Variants in DEFB109B observed in about 807,000 individuals in gnomAD.
DEFB109B encodes beta-defensin 109B.
chr8:7,316,467 TTAAA>T (rs1300610503), intron 1 of DEFB109B, among the ~76,000 whole-genome samples: 6 of 54,694 alleles, frequency 1.1e-4, no homozygotes, highest in African/African-American at 2.8e-4. Flanking sequence ...CATATTTGAA[TTAAA>T]TAAATGTTAG....
chr8:7,319,205 T>A (rs1585321816), intron 1 of DEFB109B: 1 of 97,754 alleles, frequency 1.0e-5, no homozygotes, highest in South Asian at 2.9e-4. Flanking sequence ...AGGGACCATT[T>A]AAGAAACTAT....
At chr8:7,319,936 A>G (rs1005249212) in exon 2 of DEFB109B, 35 of 72,456 alleles carry the variant, frequency 4.8e-4, no homozygotes, top group Non-Finnish European at 7.9e-4. Flanking sequence ...AACCCCTTAA[A>G]CCTAACTTGA....
At chr8:7,315,158 G>A (rs1471021616) in intron 1 of DEFB109B, among the ~76,000 whole-genome samples, 1 of 78,168 alleles carries the variant, frequency 1.3e-5, no homozygotes, top group Middle Eastern at 5.2e-3. Context: ...CCTCAAAAGT[G>A]TCTCAGGTAG....
At chr8:7,319,004 G>A (rs1279978955) in intron 1 of DEFB109B, 1 of 145,296 alleles carries the variant, frequency 6.9e-6, no homozygotes, top group Non-Finnish European at 1.5e-5. Flanking sequence ...GAGAGAAAAA[G>A]TAATTTCTAC....
chr8:7,313,701 A>G (rs2128805406), intron 1 of DEFB109B, among the ~76,000 whole-genome samples: 1 of 144,216 alleles, frequency 6.9e-6, no homozygotes, highest in African/African-American at 2.9e-5. Flanking sequence ...TTGGAAAAAA[A>G]AAACAGCATA....
At chr8:7,316,812 C>T (rs1244242765) in intron 1 of DEFB109B, among the ~76,000 whole-genome samples, 7 of 92,770 alleles carry the variant, frequency 7.5e-5, no homozygotes, top group African/African-American at 3.8e-4. Flanking sequence ...TATATATATA[C>T]ATTTTTTTTT....
chr8:7,320,043 C>T (rs1285820371), downstream of DEFB109B: 1 of 20,376 alleles, frequency 4.9e-5, no homozygotes, highest in African/African-American at 3.1e-4. Context: ...TCTTGATAAC[C>T]GTCTTGCATT....
At chr8:7,315,385 G>A (rs1180730912) in intron 1 of DEFB109B, among the ~76,000 whole-genome samples, 2 of 137,620 alleles carry the variant, frequency 1.5e-5, no homozygotes, top group Non-Finnish European at 3.0e-5. Flanking sequence ...TTTAGTCCCA[G>A]CTACTCGGGA....
intron 1 of DEFB109B, among the ~76,000 whole-genome samples, chr8:7,313,689 T>A (rs1189375794): frequency 1.4e-5 from 2 of 140,570 alleles, no homozygotes; most frequent in Admixed American, 1.3e-4. Flanking sequence ...TTTTGGGGGC[T>A]TTTGGAAAAA....
upstream of DEFB109B, among the ~76,000 whole-genome samples, chr8:7,311,966 C>A (rs1802630921): frequency 1.6e-5 from 2 of 126,034 alleles, no homozygotes; most frequent in African/African-American, 9.6e-5. Flanking sequence ...AAAATCAAGT[C>A]AAGTTTTATT....
At chr8:7,318,982 A>T (rs1360137629) in intron 1 of DEFB109B, 1 of 146,232 alleles carries the variant, frequency 6.8e-6, no homozygotes, top group Non-Finnish European at 1.5e-5. Flanking sequence ...AGATAGATCA[A>T]ATCTAAATAT....
In DEFB109B at chr8:7,313,681, T is replaced by C. The variant is rs534179527; in HGVS notation, n.58+778T>C. Among the ~76,000 whole-genome samples, 77 of 141,772 alleles carry C rather than the reference T, an allele frequency of 5.4e-4. 4 individuals carry two copies. In the South Asian group the frequency reaches 0.016, roughly 30 times the overall value. 93.0% of individuals were successfully genotyped at this position (141,772 alleles called of 152,430 possible). A position where few individuals can be genotyped will look rare whatever the true frequency, so the allele number is the denominator to read the frequency against. ...AAATTTACTGGGCTAAGCATGCATT[T>C]TGGGGGCTTTTGGAAAAAAAAAACA... On this transcript the variant is annotated intron_variant and non_coding_transcript_variant, in intron 1 of 1. Coordinates refer to ENST00000382656, the Ensembl canonical transcript of DEFB109B.
chr8:7,312,413 A>G (rs1406180550), upstream of DEFB109B, among the ~76,000 whole-genome samples: 1 of 139,180 alleles, frequency 7.2e-6, no homozygotes, highest in East Asian at 2.0e-4. Flanking sequence ...TTACCTGGAT[A>G]TTGGTGTGGT....
chr8:7,317,284 T>G (rs1411631099), intron 1 of DEFB109B, among the ~76,000 whole-genome samples: 1 of 144,988 alleles, frequency 6.9e-6, no homozygotes, highest in Non-Finnish European at 1.5e-5. Flanking sequence ...ATTAACGAAC[T>G]GGAATTTCTG....
chr8:7,319,218 C>T (rs1224827765), intron 1 of DEFB109B: 2 of 75,568 alleles, frequency 2.6e-5, no homozygotes, highest in Non-Finnish European at 4.6e-5. Context: ...GAAACTATGG[C>T]AACACAGTGA....
upstream of DEFB109B, among the ~76,000 whole-genome samples, chr8:7,311,806 C>T (rs1404536191): frequency 4.2e-5 from 1 of 24,054 alleles, no homozygotes. Flanking sequence ...CTTTTCCTTC[C>T]CAAAGCAAAT....
At chr8:7,312,821 C>G (rs1184663465), upstream of DEFB109B, 3 of 122,712 alleles carry the variant, frequency 2.4e-5, no homozygotes, top group African/African-American at 1.5e-4. Flanking sequence ...CAGGCTCAAC[C>G]CACATTGATG....
upstream of DEFB109B, among the ~76,000 whole-genome samples, chr8:7,312,361 A>G (rs1802658507): frequency 1.4e-5 from 2 of 138,286 alleles, no homozygotes; most frequent in Non-Finnish European, 3.0e-5. Context: ...AACAACCACA[A>G]CAAAGGGACG....
chr8:7,310,582 TG>T (rs1394241788), upstream of DEFB109B, among the ~76,000 whole-genome samples: 1 of 122,318 alleles, frequency 8.2e-6, no homozygotes, highest in African/African-American at 4.7e-5. Context: ...TAGGTAATAC[TG>T]TGTGTGTGTG....
Sources: allele counts gnomAD v4.1 joint callset (sites outside exome capture counted in the v4.1 genomes callset), GRCh38; gene constraint gnomAD v4.1.1; transcripts MANE v1.5; gene names NCBI Gene and HGNC (gene_info 2026-07-23, HGNC 2026-07-21).